ZNF267: variants seen among roughly 807,000 people sequenced by gnomAD.
ZNF267 encodes the protein zinc finger (C2H2).
A neutral mutation model predicts 71.6 loss-of-function variants in ZNF267; 61 were observed. The ratio of observed to expected loss-of-function variants is 0.85; its 90% confidence interval spans 0.69 to 1.05. The LOEUF (loss-of-function observed/expected upper bound fraction) is 1.05. Among genes scored for constraint, ZNF267 ranks in the 50% least tolerant of loss-of-function variants. The pLI, the probability that ZNF267 is intolerant of heterozygous loss-of-function variation, is 0.00. For missense variants in ZNF267, 852 were observed against 870.0 expected (o/e 0.98, Z 0.26); for synonymous variants, 288 against 293.2 (o/e 0.98, Z 0.18).
chr16:31,896,977 T>G lies in ZNF267; in HGVS notation c.226+11721T>G, dbSNP rs188928768. Among the ~76,000 whole-genome samples the G allele has an allele frequency of 3.9e-5, 6 of 152,150 alleles. No homozygotes were observed. In the East Asian group the frequency reaches 1.2e-3, roughly 29 times the overall value. On this transcript the variant is annotated intron_variant, in intron 3 of 3. Transcript: ENST00000300870. Reference sequence around the variant, plus strand: ...GCTTTGTAGTTTTAATGTAGGAATATTTCATCTTCTTAGTTACGTTCATTG... The same window carrying G: ...GCTTTGTAGTTTTAATGTAGGAATAGTTCATCTTCTTAGTTACGTTCATTG...
At chr16:31,884,892 AT>A (rs1243589890) in intron 2 of ZNF267, among the ~76,000 whole-genome samples, 5 of 151,978 alleles carry the variant, frequency 3.3e-5, no homozygotes, top group South Asian at 2.1e-4. Context: ...TTAAAATCCA[AT>A]TTTTTTTGTT....
At chr16:31,905,769 G>A (rs1012688563) in intron 3 of ZNF267, among the ~76,000 whole-genome samples, 10 of 152,028 alleles carry the variant, frequency 6.6e-5, no homozygotes, top group Non-Finnish European at 7.4e-5. Context: ...ATTGTCTGAC[G>A]CCTTCTTCTC....
chr16:31,884,662 G>C (rs764026834), intron 2 of ZNF267, 38 bp downstream of exon 2: 3 of 1,581,108 alleles, frequency 1.9e-6, no homozygotes, highest in East Asian at 2.3e-5. Context: ...TAATAACTAA[G>C]AGTTTTATTT....
chr16:31,882,756 C>T (rs577608519), intron 1 of ZNF267, among the ~76,000 whole-genome samples: 1 of 152,338 alleles, frequency 6.6e-6, no homozygotes, highest in South Asian at 2.1e-4. Flanking sequence ...ATGGGCCCAT[C>T]TGTGCATTAG....
intron 3 of ZNF267, among the ~76,000 whole-genome samples, chr16:31,896,840 A>G (rs973629584): frequency 3.3e-5 from 5 of 152,088 alleles, no homozygotes; most frequent in Admixed American, 6.5e-5. Context: ...TCAGAGTTGC[A>G]TTAAATTCAT....
At chr16:31,908,369 A>G (rs2084108571) in intron 3 of ZNF267, among the ~76,000 whole-genome samples, 1 of 152,032 alleles carries the variant, frequency 6.6e-6, no homozygotes. Context: ...CACTTTATTG[A>G]GTATTTCCTT....
chr16:31,908,802 A>C (rs1025808748), intron 3 of ZNF267, among the ~76,000 whole-genome samples: 5 of 152,142 alleles, frequency 3.3e-5, no homozygotes, highest in Non-Finnish European at 7.4e-5. Flanking sequence ...CCAGTACCAT[A>C]CCATTTTGAT....
intron 3 of ZNF267, chr16:31,912,820 C>A (rs1471366180): frequency 6.6e-6 from 1 of 151,546 alleles, no homozygotes; most frequent in Non-Finnish European, 1.5e-5. Flanking sequence ...TTCAGTATGC[C>A]AATTGCTTTT....
At chr16:31,901,015 T>C (rs946299057) in intron 3 of ZNF267, among the ~76,000 whole-genome samples, 2 of 152,066 alleles carry the variant, frequency 1.3e-5, no homozygotes, top group African/African-American at 2.4e-5. Context: ...GTGTTCTCTT[T>C]GTTCAATTCC....
intron 3 of ZNF267, among the ~76,000 whole-genome samples, chr16:31,908,062 A>G (rs1700440309): frequency 6.6e-6 from 1 of 151,992 alleles, no homozygotes; most frequent in Admixed American, 6.6e-5. Flanking sequence ...AAATAATACT[A>G]ATAATAAATA....
chr16:31,876,580 T>C lies in ZNF267; in HGVS notation c.3+2611T>C, dbSNP rs1441245784. 2.6e-5 allele frequency among the ~76,000 whole-genome samples: 4 copies of C among 152,378 alleles called. No individual in the cohort carries two copies. In the East Asian group the frequency reaches 7.7e-4, roughly 29 times the overall value. ...CTAGAATTGTTTATATATGATTATT[T>C]ACTAAATGATCTGTTATCATGGAAA... On this transcript the variant is annotated intron_variant, in intron 1 of 3. Transcript: ENST00000300870.
At chr16:31,896,371 C>A (rs967007177) in intron 3 of ZNF267, among the ~76,000 whole-genome samples, 14 of 152,154 alleles carry the variant, frequency 9.2e-5, no homozygotes, top group Non-Finnish European at 1.9e-4. Context: ...AAAGCATTTG[C>A]CCTATGCAAA....
At chr16:31,881,134 G>T (rs1050814340) in intron 1 of ZNF267, among the ~76,000 whole-genome samples, 1 of 151,948 alleles carries the variant, frequency 6.6e-6, no homozygotes. Context: ...TATAATTTTC[G>T]TAGAAAGCCC....
chr16:31,903,590 A>G (rs986852172), intron 3 of ZNF267, among the ~76,000 whole-genome samples: 1 of 152,206 alleles, frequency 6.6e-6, no homozygotes, highest in South Asian at 2.1e-4. Context: ...TGTTTATAGT[A>G]TTCTCTGATG....
chr16:31,884,562 C>G lies in ZNF267; in HGVS notation c.68C>G (p.Pro23Arg). The G allele has an allele frequency of 6.2e-7, 1 of 1,614,092 alleles. No homozygotes were observed. Among genetic ancestry groups the G allele is most frequent in the Non-Finnish European group, 8.5e-7 (1 of 1,179,982 alleles). ...FSLEEWEHLE[P>R]AQKNLYQDVM... ...TTGGAGGAGTGGGAACACCTGGAAC[C>G]AGCTCAGAAGAATTTGTATCAGGAT... Residue 23 changes from proline (P) to arginine (R), a missense_variant, in exon 2 of 4, where the codon CCA becomes CGA. Pro to Arg is a moderately radical substitution (Grantham distance 103, BLOSUM62 -2). Transcript: ENST00000300870.
chr16:31,875,177 A>C, intron 1 of ZNF267: 1 of 1,289,112 alleles, frequency 7.8e-7, no homozygotes, highest in Non-Finnish European at 1.0e-6. Context: ...CCCTCTATCC[A>C]GTCTTTTCCT....
chr16:31,916,291 G>T lies in ZNF267; in HGVS notation c.2042G>T (p.Arg681Ile). Reference protein sequence around the residue: ...SRSYLTTHRRRHTGERPYKCD... With the variant: ...SRSYLTTHRRIHTGERPYKCD... ...TCATACCTCACTACACATCGGAGAA[G>T]ACATACTGGAGAGAGACCCTACAAA... The change falls in exon 4 of 4, where the codon AGA (arginine) becomes ATA (isoleucine). Residue 681 changes from arginine (R) to isoleucine (I), a missense_variant. Arg to Ile is a moderately conservative substitution (Grantham distance 97). Transcript: ENST00000300870. 1 of 1,613,822 alleles carries T rather than the reference G, an allele frequency of 6.2e-7. No individual in the cohort carries two copies. Among genetic ancestry groups the T allele is most frequent in the East Asian group, 2.2e-5 (1 of 44,834 alleles).
chr16:31,898,506 G>C (rs556421367), intron 3 of ZNF267, among the ~76,000 whole-genome samples: 1 of 149,904 alleles, frequency 6.7e-6, no homozygotes, highest in South Asian at 2.1e-4. Flanking sequence ...TAGCTTTTTT[G>C]TTTCTGTTTT....
intron 3 of ZNF267, among the ~76,000 whole-genome samples, chr16:31,906,428 G>T (rs193113056): frequency 2.0e-4 from 31 of 152,320 alleles, no homozygotes; most frequent in Admixed American, 5.2e-4. Context: ...GCTCCACCCA[G>T]TTGGAGCTTC....
Sources: allele counts gnomAD v4.1 joint callset (sites outside exome capture counted in the v4.1 genomes callset), GRCh38; gene constraint gnomAD v4.1.1; transcripts MANE v1.5; gene names NCBI Gene and HGNC (gene_info 2026-07-23, HGNC 2026-07-21).